SCN11A: variants seen among roughly 807,000 people sequenced by gnomAD.
The protein encoded by SCN11A is sodium channel protein type 11 subunit alpha.
A neutral mutation model predicts 162.2 loss-of-function variants in SCN11A; 122 were observed. That is an observed-to-expected ratio of 0.75 (90% CI 0.65 to 0.87). SCN11A has a LOEUF of 0.87. Ranked by LOEUF, SCN11A falls within the 40% of genes least tolerant of loss-of-function variation. The pLI is 0.00. For synonymous variants in SCN11A, 758 were observed against 751.5 expected, an observed-to-expected ratio of 1.01 and a Z score of -0.14; for missense variants, 2,015 against 2,181.6, an observed-to-expected ratio of 0.92 and a Z score of 1.52.
rs1375113588 is a variant in SCN11A at position 38,863,307 on chromosome 3, G to T, written c.3952-8C>A. 2.9e-6 allele frequency: 4 copies of T among 1,381,178 alleles called. No homozygotes were observed. Among genetic ancestry groups the T allele is most frequent in the Non-Finnish European group, 4.1e-6 (4 of 973,402 alleles). 85.6% of individuals were successfully genotyped at this position (1,381,178 alleles called of 1,614,324 possible). A position where few individuals can be genotyped will look rare whatever the true frequency, so the allele number is the denominator to read the frequency against. On this transcript the variant is annotated splice_polypyrimidine_tract_variant and splice_region_variant and intron_variant, in intron 27 of 29. Coordinates refer to ENST00000302328, the MANE Select transcript of SCN11A (RefSeq NM_001349253.2). The stretch of plus-strand genomic sequence containing the variant: ...AATGTCTTGGCCACCTAAGTATATG[G>T]AGAAGATAAGAGCTAATTACCTTTA...
chr3:38,905,501 A>T (rs973191872), intron 14 of SCN11A, among the ~76,000 whole-genome samples, 180 bp from the exon 15 acceptor site: 2 of 152,266 alleles, frequency 1.3e-5, no homozygotes, highest in African/African-American at 4.8e-5. Flanking sequence ...TTTAACAAAT[A>T]AGAGAAATCT....
chr3:38,970,002 GC>G (rs2066807053), intron 2 of SCN11A, among the ~76,000 whole-genome samples: 1 of 124,414 alleles, frequency 8.0e-6, no homozygotes, highest in African/African-American at 2.6e-5. Flanking sequence ...GCAGATGTTA[GC>G]TGCCTGTTTC....
intron 2 of SCN11A, among the ~76,000 whole-genome samples, chr3:39,021,239 G>A (rs551075133): frequency 1.3e-5 from 2 of 152,148 alleles, no homozygotes; most frequent in East Asian, 3.9e-4. Flanking sequence ...CTAGTTAGAG[G>A]TTAGTTGGCC....
At chr3:39,044,367 C>A (rs1297698837) in intron 1 of SCN11A, among the ~76,000 whole-genome samples, 5 of 152,158 alleles carry the variant, frequency 3.3e-5, no homozygotes, top group African/African-American at 4.8e-5. Flanking sequence ...CTGCAGAATA[C>A]ACATTCTTTT....
chr3:38,847,508 T>C lies in SCN11A; in HGVS notation c.4562A>G (p.Lys1521Arg). ...ATCGATTCCAGACTCTGGATTCACT[T>C]TGGAAAACCAGTTCATACCCAGAAT... ...YAILGMNWFS[K>R]VNPESGIDDI... Residue 1521 changes from lysine to arginine, a missense_variant, in exon 30 of 30, where the codon AAA becomes AGA. Physicochemically the swap from Lys to Arg is conservative, Grantham distance 26 (BLOSUM62 2). Transcript: ENST00000302328. The C allele has an allele frequency of 6.2e-7, 1 of 1,614,180 alleles. No individual in the cohort carries two copies. The highest frequency in any genetic ancestry group is 8.5e-7 in the Non-Finnish European group (1 of 1,180,016).
intron 19 of SCN11A, among the ~76,000 whole-genome samples, chr3:38,889,154 G>A (rs922030911): frequency 6.6e-6 from 1 of 152,052 alleles, no homozygotes; most frequent in Admixed American, 6.6e-5. Context: ...GGCCAGGCAC[G>A]GTGGCTTATG....
intron 2 of SCN11A, among the ~76,000 whole-genome samples, chr3:38,978,837 C>T (rs78785421): frequency 0.035 from 5,371 of 152,248 alleles, 194 homozygotes; most frequent in East Asian, 0.17. Context: ...CTTGCCCTTC[C>T]ACAGCAGCCT....
chr3:38,927,145 A>T (rs539717375), intron 7 of SCN11A, among the ~76,000 whole-genome samples: 1 of 152,208 alleles, frequency 6.6e-6, no homozygotes, highest in Non-Finnish European at 1.5e-5. Flanking sequence ...TAAATTGTGA[A>T]GCTGCATTTC....
chr3:38,899,643 T>G (rs1232557721), intron 17 of SCN11A, among the ~76,000 whole-genome samples: 1 of 152,122 alleles, frequency 6.6e-6, no homozygotes, highest in African/African-American at 2.4e-5. Context: ...GAGACACAAT[T>G]TTGTACCCAG....
chr3:38,967,095 T>A (rs1043350391), intron 2 of SCN11A, among the ~76,000 whole-genome samples: 1 of 152,166 alleles, frequency 6.6e-6, no homozygotes, highest in Non-Finnish European at 1.5e-5. Flanking sequence ...CCACATAGAA[T>A]GTACTTGAAT....
At chr3:38,902,577 GCA>G (rs2065719490) in intron 16 of SCN11A, among the ~76,000 whole-genome samples, 3 of 151,696 alleles carry the variant, frequency 2.0e-5, no homozygotes, top group South Asian at 4.2e-4. Context: ...GAGTGCAGTG[GCA>G]CGATCTCGGC....
At chr3:38,905,065 A>G in intron 15 of SCN11A, 127 bp downstream of exon 15, 1 of 1,189,222 alleles carries the variant, frequency 8.4e-7, no homozygotes. Flanking sequence ...CACTCTTTGC[A>G]GGATGGTACA....
rs373339151 is a variant in SCN11A at position 38,990,776 on chromosome 3, GA to G, written c.-279-30354del. On this transcript the variant is annotated intron_variant, in intron 2 of 29. Coordinates refer to ENST00000302328, the MANE Select transcript of SCN11A (RefSeq NM_001349253.2). ...GAAAATCATGGCATGAAAAGGTTAA[GA>G]AACTCGGCACAGGTCAGAGCTAGCA... Among the ~76,000 whole-genome samples the G allele has an allele frequency of 3.2e-4, 48 of 152,244 alleles. No homozygotes were observed. In the East Asian group the frequency reaches 8.9e-3, roughly 28 times the overall value.
chr3:39,020,392 T>C (rs531035872), intron 2 of SCN11A, among the ~76,000 whole-genome samples: 39 of 152,338 alleles, frequency 2.6e-4, no homozygotes, highest in Middle Eastern at 3.4e-3. Context: ...TGAAGCTGCA[T>C]TGGGCAATGT....
intron 29 of SCN11A, among the ~76,000 whole-genome samples, chr3:38,849,068 A>G (rs1358555903): frequency 1.3e-5 from 2 of 152,320 alleles, no homozygotes; most frequent in African/African-American, 2.4e-5. Flanking sequence ...GCCATACAGC[A>G]TGTATAACTG....
chr3:38,908,078 A>C lies in SCN11A; in HGVS notation c.1344T>G (p.Leu448=), dbSNP rs774515933. 2 of 1,612,800 alleles carry C rather than the reference A, an allele frequency of 1.2e-6. No individual in the cohort carries two copies. The highest frequency in any genetic ancestry group is 1.7e-5 in the Admixed American group (1 of 59,796). Residue 448 remains leucine, a synonymous_variant, in exon 14 of 30, where the codon CTT becomes CTG. Coordinates refer to ENST00000302328, the MANE Select transcript of SCN11A (RefSeq NM_001349253.2). ...TTTTTGGGGTAAAATATGATGTTTC[A>C]AGGGAAGTAAGTGAACTTCTGTCAA... The part of the protein sequence containing the change: ...MGIDRSSLTS[L]ETSYFTPKKR...
chr3:39,027,944 A>G (rs1247540926), intron 2 of SCN11A, among the ~76,000 whole-genome samples: 1 of 152,116 alleles, frequency 6.6e-6, no homozygotes, highest in Non-Finnish European at 1.5e-5. Flanking sequence ...CACATTTTTC[A>G]TAGTTGAAGA....
At chr3:38,865,082 G>C (rs1008131555) in intron 27 of SCN11A, among the ~76,000 whole-genome samples, 2 of 152,036 alleles carry the variant, frequency 1.3e-5, no homozygotes, top group African/African-American at 4.8e-5. Flanking sequence ...TCTGTGGTTT[G>C]CTCCATAAAA....
intron 28 of SCN11A, among the ~76,000 whole-genome samples, chr3:38,862,814 C>A (rs548132140): frequency 3.3e-5 from 5 of 152,014 alleles, no homozygotes; most frequent in Admixed American, 3.3e-4. Context: ...GTGACAGGTG[C>A]ACCAAACTCT....
Sources: allele counts gnomAD v4.1 joint callset (sites outside exome capture counted in the v4.1 genomes callset), GRCh38; gene constraint gnomAD v4.1.1; transcripts MANE v1.5; gene names NCBI Gene and HGNC (gene_info 2026-07-23, HGNC 2026-07-21).